Variants in TMEM260 observed in about 807,000 individuals in gnomAD.
TMEM260 encodes the protein protein O-mannosyl-transferase TMEM260.
Under a neutral mutation model 88.9 loss-of-function variants are expected in TMEM260, and 82 were observed. The observed-to-expected ratio is 0.92, with a 90% confidence interval of 0.77 to 1.11. TMEM260 has a LOEUF of 1.11. Ranked by LOEUF, TMEM260 falls within the 50% of genes least tolerant of loss-of-function variation. The probability of loss-of-function intolerance (pLI) is 0.00; values close to 1 mark genes in which losing one functional copy is unlikely to be tolerated. For missense variants in TMEM260, 902 were observed against 853.4 expected, an observed-to-expected ratio of 1.06 and a Z score of -0.71; for synonymous variants, 314 against 309.3, an observed-to-expected ratio of 1.02 and a Z score of -0.16.
At chr14:56,606,737 C>T (rs1566544050) in intron 5 of TMEM260, among the ~76,000 whole-genome samples, 1 of 151,616 alleles carries the variant, frequency 6.6e-6, no homozygotes, top group African/African-American at 2.4e-5. Context: ...ACTAAAAATA[C>T]AAAAAAAAGT....
In TMEM260 at chr14:56,624,347, G is replaced by A. The variant is rs536215833; in HGVS notation, c.1399-1035G>A. On this transcript the variant is annotated intron_variant, in intron 11 of 15. Transcript: ENST00000261556. ...CCAGAACTTTGGGAGGCCAAGGCGG[G>A]TGGAGCACTTGAGGCCAGGAGTTCG... Among the ~76,000 whole-genome samples the A allele has an allele frequency of 2.0e-4, 30 of 152,326 alleles. No homozygotes were observed. In the South Asian group the frequency reaches 6.2e-3, roughly 32 times the overall value.
At chr14:56,581,615 T>C (rs1399842543) in intron 1 of TMEM260, among the ~76,000 whole-genome samples, 1 of 152,218 alleles carries the variant, frequency 6.6e-6, no homozygotes, top group East Asian at 1.9e-4. Context: ...CTGACGTTTG[T>C]TGGGCACTTA....
At chr14:56,616,942 T>TGGA (rs1887628123) in intron 8 of TMEM260, among the ~76,000 whole-genome samples, 1 of 152,148 alleles carries the variant, frequency 6.6e-6, no homozygotes, top group African/African-American at 2.4e-5. Context: ...AATCAGTAGT[T>TGGA]TGCATTTCTT....
downstream of TMEM260, among the ~76,000 whole-genome samples, chr14:56,653,736 C>CAAAAAAAAAAAAAAA (rs10522889): frequency 0.01 from 670 of 66,000 alleles, 12 homozygotes; most frequent in African/African-American, 0.016. Context: ...CTCTTGTCTC[C>CAAAAAAAAAAAAAAA]AAAACAAAAA....
downstream of TMEM260, among the ~76,000 whole-genome samples, chr14:56,654,323 A>C (rs539393199): frequency 6.6e-5 from 10 of 152,328 alleles, no homozygotes; most frequent in East Asian, 1.9e-3. Context: ...CAGCTGCTAG[A>C]AGCTCAATTT....
chr14:56,639,985 G>A (rs1007889094), intron 15 of TMEM260, among the ~76,000 whole-genome samples: 2 of 152,218 alleles, frequency 1.3e-5, no homozygotes, highest in African/African-American at 4.8e-5. Flanking sequence ...AAGCAGCTGG[G>A]AAGCTCGAAC....
chr14:56,630,883 T>C (rs1483422609), intron 12 of TMEM260, among the ~76,000 whole-genome samples: 2 of 152,198 alleles, frequency 1.3e-5, no homozygotes, highest in African/African-American at 4.8e-5. Context: ...GCCTGCCTTC[T>C]GTGAACTGTG....
rs776660113 is a variant in TMEM260 at position 56,621,588 on chromosome 14, C to T, written c.1284C>T (p.Thr428=). ...VIDKFAKNLL[T]SMPHDAIILL... is the part of the protein sequence containing the mutation. ...ATAAGTTCGCAAAGAACCTTCTCAC[C>T]TCTATGCCTCATGATGCAATTATCT... Residue 428 remains threonine (T), a synonymous_variant, in exon 11 of 16, where the codon ACC becomes ACT. Transcript: ENST00000261556. The T allele has an allele frequency of 3.7e-5, 59 of 1,613,388 alleles. No homozygotes were observed. The highest frequency in any genetic ancestry group is 4.8e-5 in the Non-Finnish European group (57 of 1,179,752).
intron 12 of TMEM260, among the ~76,000 whole-genome samples, chr14:56,628,638 C>T (rs1376727419): frequency 1.3e-5 from 2 of 152,070 alleles, no homozygotes; most frequent in South Asian, 2.1e-4. Flanking sequence ...GAAAAAAAAT[C>T]TTCTGGGGTT....
chr14:56,631,163 G>T (rs1489507549), intron 12 of TMEM260, among the ~76,000 whole-genome samples: 1 of 152,204 alleles, frequency 6.6e-6, no homozygotes, highest in African/African-American at 2.4e-5. Flanking sequence ...ACACTTGGAA[G>T]AAGGCCAAGC....
chr14:56,590,319 G>A (rs184200402), intron 3 of TMEM260, among the ~76,000 whole-genome samples: 5 of 152,338 alleles, frequency 3.3e-5, no homozygotes, highest in Non-Finnish European at 5.9e-5. Flanking sequence ...CAGCTAGTCA[G>A]AGTTAGAATT....
At chr14:56,646,741 CTAGTGTTGT>C (rs956143406) in intron 15 of TMEM260, among the ~76,000 whole-genome samples, 12 of 152,044 alleles carry the variant, frequency 7.9e-5, no homozygotes, top group Admixed American at 1.3e-4. Context: ...TTTATCGTTG[CTAGTGTTGT>C]TAGTGTTGTT....
At chr14:56,635,160 C>T (rs1888945582) in intron 14 of TMEM260, among the ~76,000 whole-genome samples, 1 of 152,156 alleles carries the variant, frequency 6.6e-6, no homozygotes, top group Non-Finnish European at 1.5e-5. Flanking sequence ...TTTTGATCCC[C>T]ATTTTATAAA....
At chr14:56,614,644 G>T (rs1157781776) in intron 7 of TMEM260, among the ~76,000 whole-genome samples, 1 of 151,974 alleles carries the variant, frequency 6.6e-6, no homozygotes, top group African/African-American at 2.4e-5. Flanking sequence ...ACCCTTAAAG[G>T]CCTCCTTTAC....
chr14:56,590,956 C>G (rs1016252171), intron 3 of TMEM260, among the ~76,000 whole-genome samples: 1 of 152,084 alleles, frequency 6.6e-6, no homozygotes, highest in East Asian at 1.9e-4. Flanking sequence ...GATAGGCCGC[C>G]GTGGGGTTTA....
chr14:56,636,488 GTTCCTA>G lies in TMEM260; in HGVS notation c.1779-18_1779-13del. 1.9e-6 allele frequency: 3 copies of G among 1,608,464 alleles called. No homozygotes were observed. The highest frequency in any genetic ancestry group is 2.6e-6 in the Non-Finnish European group (3 of 1,175,088). On this transcript the variant is annotated splice_polypyrimidine_tract_variant and intron_variant, in intron 14 of 15. Transcript: ENST00000261556. ...AATTGACTGTATGATTTTAATGAAG[GTTCCTA>G]TCCCCACCCCCAGGATGAAAACACC...
At chr14:56,635,240 C>G (rs1888952263) in intron 14 of TMEM260, among the ~76,000 whole-genome samples, 1 of 152,196 alleles carries the variant, frequency 6.6e-6, no homozygotes, top group South Asian at 2.1e-4. Context: ...GTCCAAAGTT[C>G]ACATCTGTCT....
In TMEM260 at chr14:56,633,021, T is replaced by C. The variant is rs1286046803; in HGVS notation, c.1574T>C (p.Ile525Thr). 6.2e-7 allele frequency: 1 copy of C among 1,613,868 alleles called. No individual in the cohort carries two copies. Among genetic ancestry groups the C allele is most frequent in the East Asian group, 2.2e-5 (1 of 44,844 alleles). Residue 525 changes from isoleucine to threonine, a missense_variant, in exon 13 of 16, where the codon ATT (isoleucine) becomes ACT (threonine). Coordinates refer to ENST00000261556, the MANE Select transcript of TMEM260 (RefSeq NM_017799.4). ...KQKETFVCIG[I>T]HEGDPTWKKN... ...AAAGAAACATTTGTTTGCATAGGAA[T>C]TCATGAAGGCGACCCAACCTGGAAA...
At chr14:56,643,837 C>A (rs1184346241) in intron 15 of TMEM260, among the ~76,000 whole-genome samples, 2 of 152,152 alleles carry the variant, frequency 1.3e-5, no homozygotes, top group African/African-American at 4.8e-5. Context: ...TCAGCATGCA[C>A]AAATCACAAG....
Sources: allele counts gnomAD v4.1 joint callset (sites outside exome capture counted in the v4.1 genomes callset), GRCh38; gene constraint gnomAD v4.1.1; transcripts MANE v1.5; gene names NCBI Gene and HGNC (gene_info 2026-07-23, HGNC 2026-07-21).